CTDSP1: variants seen among roughly 807,000 people sequenced by gnomAD.
CTDSP1 encodes the protein CTD small phosphatase 1, also known as carboxy-terminal domain RNA polymerase II polypeptide A small phosphatase 1.
CTDSP1 carries 15 observed loss-of-function variants against 32.5 expected under a neutral mutation model. That is an observed-to-expected ratio of 0.46 (90% confidence interval 0.31 to 0.71). The LOEUF (loss-of-function observed/expected upper bound fraction) is 0.71. Among genes scored for constraint, CTDSP1 ranks in the 30% least tolerant of loss-of-function variants. CTDSP1 has a pLI of 0.05. For synonymous variants in CTDSP1, 185 were observed against 145.4 expected, an observed-to-expected ratio of 1.27 and a Z score of -1.96; for missense variants, 294 against 351.1, an observed-to-expected ratio of 0.84 and a Z score of 1.30.
upstream of CTDSP1, chr2:218,398,696 G>C (rs1445822752): frequency 3.1e-6 from 1 of 327,296 alleles, no homozygotes; most frequent in Non-Finnish European, 5.5e-6. Context: ...CCCCGCCACG[G>C]AGGCCCGCGG....
chr2:218,397,529 T>C (rs1169306261), upstream of CTDSP1, among the ~76,000 whole-genome samples: 2 of 152,210 alleles, frequency 1.3e-5, no homozygotes, highest in Admixed American at 1.3e-4. Flanking sequence ...ACTGAGGGAC[T>C]GTGTTGGAAG....
intron 6 of CTDSP1, chr2:218,403,750 A>G (rs1339778316): frequency 1.2e-5 from 3 of 259,628 alleles, no homozygotes; most frequent in Non-Finnish European, 2.2e-5. Context: ...TGGGAATTTT[A>G]ACAAAATGAA....
At chr2:218,397,651 G>A (rs1312921783), upstream of CTDSP1, among the ~76,000 whole-genome samples, 1 of 152,156 alleles carries the variant, frequency 6.6e-6, no homozygotes, top group Non-Finnish European at 1.5e-5. Context: ...GGGTGCGAAT[G>A]ATAAAACAGA....
Position 218,400,002 on chromosome 2 carries a change from TC to T in CTDSP1, c.-82del. On this transcript the variant is annotated 5_prime_UTR_variant, in exon 1 of 7. Coordinates refer to ENST00000273062, the MANE Select transcript of CTDSP1 (RefSeq NM_021198.3). ...GGATCCCTCCCTCCCACCCCTCCCC[TC>T]CCCCCCGCGCCCCGATTCCGGCCCC... 2.2e-4 allele frequency: 37 copies of T among 168,262 alleles called. No homozygotes were observed. The highest frequency in any genetic ancestry group is 3.6e-4 in the South Asian group (3 of 8,300). The allele number at this position is 168,262 out of a possible 1,614,324, so 10.4% of individuals were successfully genotyped here. A position where few individuals can be genotyped will look rare whatever the true frequency, so the allele number is the denominator to read the frequency against.
At chr2:218,401,280 G>A in intron 1 of CTDSP1, 1 of 506,242 alleles carries the variant, frequency 2.0e-6, no homozygotes, top group Non-Finnish European at 3.6e-6. Flanking sequence ...GCTGTGAGAG[G>A]CAGGGAGAGA....
upstream of CTDSP1, chr2:218,398,503 C>G (rs577414405): frequency 1.5e-5 from 22 of 1,432,518 alleles, no homozygotes; most frequent in Non-Finnish European, 1.9e-5. Flanking sequence ...ACAGTCCCCT[C>G]CCGCCCCTAC....
chr2:218,404,264 GC>G (rs772533097), intron 6 of CTDSP1, 32 bp from the exon 7 acceptor site: 1 of 1,608,216 alleles, frequency 6.2e-7, no homozygotes, highest in Non-Finnish European at 8.5e-7. Flanking sequence ...AGGACCACCT[GC>G]CCCCCTCATC....
At chr2:218,398,609 C>T, upstream of CTDSP1, 2 of 560,132 alleles carry the variant, frequency 3.6e-6, no homozygotes, top group South Asian at 5.7e-5. Context: ...CCCTCCCCGG[C>T]TCCCCCTCGG....
chr2:218,400,441 G>T, intron 1 of CTDSP1: 1 of 526,966 alleles, frequency 1.9e-6, no homozygotes, highest in East Asian at 3.5e-5. Context: ...CAGGCATTGC[G>T]TGGTGCATGG....
intron 6 of CTDSP1, 42 bp downstream of exon 6, chr2:218,403,459 C>A: frequency 2.0e-6 from 3 of 1,525,186 alleles, no homozygotes; most frequent in Non-Finnish European, 2.6e-6. Context: ...GAGCTGAGAC[C>A]CAGGAAGGGG....
intron 6 of CTDSP1, 120 bp downstream of exon 6, chr2:218,403,537 C>T (rs1423051095): frequency 8.2e-6 from 7 of 857,692 alleles, no homozygotes; most frequent in Non-Finnish European, 1.2e-5. Flanking sequence ...CCCAGTCCTT[C>T]CTGCATTCAT....
intron 1 of CTDSP1, chr2:218,400,979 G>C: frequency 4.5e-6 from 2 of 443,842 alleles, no homozygotes; most frequent in Non-Finnish European, 9.0e-6. Context: ...CCGGAGGGGG[G>C]TGGGGTGGGA....
chr2:218,403,431 G>A lies in CTDSP1; in HGVS notation c.657+14G>A, dbSNP rs368635520. ...CCAGACAATGCTGTGAGTGCGGGCT[G>A]GACTGGGACTGGGACAGGAGCTGAG... On this transcript the variant is annotated intron_variant, in intron 6 of 6. Coordinates refer to ENST00000273062, the MANE Select transcript of CTDSP1 (RefSeq NM_021198.3). 1.6e-5 allele frequency: 25 copies of A among 1,560,814 alleles called. No homozygotes were observed. Among genetic ancestry groups the A allele is most frequent in the African/African-American group, 1.2e-4 (9 of 74,064 alleles).
In CTDSP1 at chr2:218,403,067, G is replaced by T; in HGVS notation, c.411G>T (p.Glu137Asp). 6.2e-7 allele frequency: 1 copy of T among 1,614,140 alleles called. No individual in the cohort carries two copies. The highest frequency in any genetic ancestry group is 8.5e-7 in the Non-Finnish European group (1 of 1,180,030). Reference sequence around the variant, plus strand: ...TGTTGAAGCGTCCTCACGTGGATGAGTTCCTGCAGCGAATGGGCGAGCTCT... The same window carrying T: ...TGTTGAAGCGTCCTCACGTGGATGATTTCCTGCAGCGAATGGGCGAGCTCT... ...VYVLKRPHVD[E>D]FLQRMGELFE... Residue 137 changes from glutamate (E) to aspartate (D), a missense_variant, in exon 5 of 7, where the codon GAG becomes GAT. Coordinates refer to ENST00000273062, the MANE Select transcript of CTDSP1 (RefSeq NM_021198.3).
intron 1 of CTDSP1, 75 bp from the exon 2 acceptor site, chr2:218,401,489 T>G: frequency 6.5e-7 from 1 of 1,546,812 alleles, no homozygotes; most frequent in Non-Finnish European, 8.8e-7. Flanking sequence ...GCTCAGGGGT[T>G]CACACCTGGG....
intron 4 of CTDSP1, 52 bp from the exon 5 acceptor site, chr2:218,402,983 A>G: frequency 1.5e-6 from 2 of 1,356,616 alleles, no homozygotes; most frequent in Non-Finnish European, 2.1e-6. Context: ...GCCCTCGGCC[A>G]CCCCCACACT....
intron 1 of CTDSP1, chr2:218,400,444 G>A (rs1266400234): frequency 1.9e-6 from 1 of 516,082 alleles, no homozygotes; most frequent in African/African-American, 1.9e-5. Flanking sequence ...GCATTGCGTG[G>A]TGCATGGGCG....
At chr2:218,399,476 T>C (rs1426087969), upstream of CTDSP1, 1 of 151,796 alleles carries the variant, frequency 6.6e-6, no homozygotes, top group African/African-American at 2.4e-5. Context: ...ACAGATGAGG[T>C]AGTGCTATCT....
At chr2:218,396,609 G>C (rs1373723535), upstream of CTDSP1, 1 of 152,580 alleles carries the variant, frequency 6.6e-6, no homozygotes, top group Non-Finnish European at 1.5e-5. Context: ...GGACCGGTCT[G>C]GTGCGACCTG....
Sources: gnomAD v4.1 joint callset for allele counts (sites outside exome capture counted in the v4.1 genomes callset) on GRCh38, gnomAD v4.1.1 for gene constraint, MANE v1.5 for transcripts, NCBI Gene and HGNC (gene_info 2026-07-23, HGNC 2026-07-21) for gene names.